Variants in NDST3 observed in about 807,000 individuals in gnomAD.
NDST3 encodes the protein bifunctional heparan sulfate N-deacetylase/N-sulfotransferase 3.
In NDST3, 58 loss-of-function variants were observed where a neutral mutation model predicts 96.1. The ratio of observed to expected loss-of-function variants is 0.60; its 90% CI spans 0.49 to 0.75. The LOEUF (loss-of-function observed/expected upper bound fraction) is 0.75. NDST3 is among the 30% of genes least tolerant of loss of function. The pLI is 0.00. For missense variants in NDST3, 788 were observed against 1,034.2 expected, an observed-to-expected ratio of 0.76 and a Z score of 3.27; for synonymous variants, 333 against 359.7, an observed-to-expected ratio of 0.93 and a Z score of 0.84.
At chr4:118,171,863 T>C (rs1280921964) in intron 6 of NDST3, among the ~76,000 whole-genome samples, 2 of 152,146 alleles carry the variant, frequency 1.3e-5, no homozygotes, top group African/African-American at 2.4e-5. Context: ...TTGGTAAATG[T>C]AGCGTGTCAG....
At chr4:118,044,085 A>T (rs1487244159) in intron 1 of NDST3, among the ~76,000 whole-genome samples, 1 of 152,228 alleles carries the variant, frequency 6.6e-6, no homozygotes. Context: ...ACAGATAAGA[A>T]TTGTATAAGT....
chr4:118,166,137 A>G (rs1206403850), intron 6 of NDST3, among the ~76,000 whole-genome samples: 3 of 151,816 alleles, frequency 2.0e-5, no homozygotes, highest in Non-Finnish European at 4.4e-5. Flanking sequence ...GTTTTTTGAA[A>G]TGATTAACAT....
intron 4 of NDST3, among the ~76,000 whole-genome samples, chr4:118,117,909 G>A (rs1168145108): frequency 1.3e-5 from 2 of 152,158 alleles, no homozygotes; most frequent in Non-Finnish European, 2.9e-5. Context: ...AAAGGAAATG[G>A]AGAACTTGAG....
At chr4:118,158,892 A>G (rs1359475508) in intron 6 of NDST3, among the ~76,000 whole-genome samples, 1 of 152,184 alleles carries the variant, frequency 6.6e-6, no homozygotes, top group African/African-American at 2.4e-5. Flanking sequence ...CAATACATGA[A>G]TTAATTCCCT....
intron 6 of NDST3, among the ~76,000 whole-genome samples, chr4:118,188,515 T>C (rs776974323): frequency 6.6e-5 from 10 of 152,190 alleles, no homozygotes; most frequent in Non-Finnish European, 1.3e-4. Flanking sequence ...TGCAGAGCAC[T>C]GATAACTAAT....
At chr4:118,148,062 G>A (rs981283658) in intron 6 of NDST3, among the ~76,000 whole-genome samples, 3 of 152,190 alleles carry the variant, frequency 2.0e-5, no homozygotes, top group Admixed American at 1.3e-4. Context: ...ACTTTGGGAG[G>A]CCAAGGTGGG....
intron 2 of NDST3, among the ~76,000 whole-genome samples, chr4:118,060,412 C>CT (rs1162404697): frequency 6.6e-6 from 1 of 151,954 alleles, no homozygotes; most frequent in African/African-American, 2.4e-5. Flanking sequence ...TATCTTACTC[C>CT]TTTTTTATAT....
At chr4:118,055,284 A>AT in intron 2 of NDST3, 1 of 229,620 alleles carries the variant, frequency 4.4e-6, no homozygotes, top group Non-Finnish European at 8.7e-6. Flanking sequence ...ATTTCCACAA[A>AT]TTTCAAGAAT....
intron 6 of NDST3, among the ~76,000 whole-genome samples, chr4:118,206,015 G>A (rs1738422047): frequency 7.0e-6 from 1 of 142,530 alleles, no homozygotes; most frequent in Non-Finnish European, 1.5e-5. Context: ...TGTATTTTTA[G>A]TAGAGACAGG....
chr4:118,035,451 T>G (rs1724096111), intron 1 of NDST3, among the ~76,000 whole-genome samples: 1 of 136,826 alleles, frequency 7.3e-6, no homozygotes, highest in African/African-American at 2.5e-5. Context: ...TTTTTTTTTT[T>G]GCCCTTAGAA....
intron 6 of NDST3, among the ~76,000 whole-genome samples, chr4:118,219,624 G>A (rs1476323430): frequency 6.6e-6 from 1 of 152,128 alleles, no homozygotes; most frequent in African/African-American, 2.4e-5. Context: ...ACACAGGCAT[G>A]AGCAAAGACT....
chr4:118,214,464 T>C (rs765296659), intron 6 of NDST3, among the ~76,000 whole-genome samples: 4 of 152,212 alleles, frequency 2.6e-5, no homozygotes, highest in Non-Finnish European at 5.9e-5. Context: ...CATTTTTGTG[T>C]ACATTGGGTT....
chr4:118,097,938 A>G (rs1461353585), intron 2 of NDST3, among the ~76,000 whole-genome samples: 1 of 151,872 alleles, frequency 6.6e-6, no homozygotes, highest in Non-Finnish European at 1.5e-5. Flanking sequence ...AATAGGATAG[A>G]CATTGCTCAT....
At chr4:118,104,832 ATG>A (rs1401175913) in intron 2 of NDST3, among the ~76,000 whole-genome samples, 184 bp from the exon 3 acceptor site, 5 of 151,902 alleles carry the variant, frequency 3.3e-5, no homozygotes, top group Non-Finnish European at 7.4e-5. Context: ...AAATAAATGT[ATG>A]TGTTTCATGT....
chr4:118,061,184 G>A (rs887784051), intron 2 of NDST3, among the ~76,000 whole-genome samples: 3 of 151,972 alleles, frequency 2.0e-5, no homozygotes, highest in Non-Finnish European at 4.4e-5. Flanking sequence ...GCTGTTCCTT[G>A]CTCCTGTTTC....
chr4:118,101,485 A>C (rs1560643318), intron 2 of NDST3, among the ~76,000 whole-genome samples: 1 of 152,054 alleles, frequency 6.6e-6, no homozygotes. Flanking sequence ...ATTAAGTTGC[A>C]CACTATGTTC....
chr4:118,071,879 G>C (rs1578580576), intron 2 of NDST3, among the ~76,000 whole-genome samples: 2 of 152,174 alleles, frequency 1.3e-5, no homozygotes, highest in East Asian at 3.9e-4. Context: ...CACTAGCACT[G>C]TATGTCATCT....
chr4:118,172,769 T>A (rs1226235357), intron 6 of NDST3, among the ~76,000 whole-genome samples: 1 of 152,158 alleles, frequency 6.6e-6, no homozygotes, highest in East Asian at 1.9e-4. Context: ...TCTAATTATG[T>A]ATTAACATTT....
At chr4:118,046,373 G>A (rs1000587798) in intron 1 of NDST3, among the ~76,000 whole-genome samples, 4 of 152,178 alleles carry the variant, frequency 2.6e-5, no homozygotes, top group Admixed American at 6.5e-5. Context: ...GCAGAACATG[G>A]TAATAGGTGT....
Sources: allele counts gnomAD v4.1 joint callset (sites outside exome capture counted in the v4.1 genomes callset), GRCh38; gene constraint gnomAD v4.1.1; transcripts MANE v1.5; gene names NCBI Gene and HGNC (gene_info 2026-07-23, HGNC 2026-07-21).